LRRC49: variants seen among roughly 807,000 people sequenced by gnomAD.
The protein encoded by LRRC49 is leucine rich repeat containing 49.
In LRRC49, 50 loss-of-function variants were observed where a neutral mutation model predicts 83.3. That is an observed-to-expected ratio of 0.60 (90% confidence interval 0.48 to 0.76). The LOEUF (loss-of-function observed/expected upper bound fraction) is 0.76. Ranked by LOEUF, LRRC49 falls within the 30% of genes least tolerant of loss-of-function variation. LRRC49 has a pLI of 0.00. For missense variants in LRRC49, 704 were observed against 809.1 expected (o/e 0.87, Z 1.58); for synonymous variants, 286 against 283.3 (o/e 1.01, Z -0.10).
At chr15:70,991,627 A>T (rs1374502411) in intron 11 of LRRC49, among the ~76,000 whole-genome samples, 1 of 152,190 alleles carries the variant, frequency 6.6e-6, no homozygotes, top group African/African-American at 2.4e-5. Flanking sequence ...ATTTGGTTTA[A>T]TCTATGGATG....
chr15:70,970,835 C>T (rs1006083309), intron 9 of LRRC49, among the ~76,000 whole-genome samples: 3 of 152,056 alleles, frequency 2.0e-5, no homozygotes, highest in African/African-American at 7.2e-5. Flanking sequence ...GTGATCTCCC[C>T]TTTATCATTT....
chr15:71,014,448 G>A (rs751687984), intron 14 of LRRC49, among the ~76,000 whole-genome samples: 3 of 151,850 alleles, frequency 2.0e-5, no homozygotes, highest in Admixed American at 1.3e-4. Flanking sequence ...AGTGATCAAC[G>A]AAAAGCAGGA....
At chr15:70,938,595 A>T (rs1329854792) in intron 8 of LRRC49, among the ~76,000 whole-genome samples, 1 of 152,130 alleles carries the variant, frequency 6.6e-6, no homozygotes, top group African/African-American at 2.4e-5. Context: ...AACTTTGAAA[A>T]CATTTCTGTG....
chr15:71,012,360 C>A (rs930906837), intron 13 of LRRC49, among the ~76,000 whole-genome samples: 1 of 151,966 alleles, frequency 6.6e-6, no homozygotes, highest in African/African-American at 2.4e-5. Context: ...CAGGAAGGGA[C>A]AAAATTATCC....
At chr15:70,958,309 A>G (rs1415512058) in intron 8 of LRRC49, among the ~76,000 whole-genome samples, 2 of 152,094 alleles carry the variant, frequency 1.3e-5, no homozygotes, top group Non-Finnish European at 2.9e-5. Context: ...TACTATTCTG[A>G]TCATATTAAC....
chr15:70,984,054 T>A, intron 10 of LRRC49, 40 bp from the exon 11 acceptor site: 1 of 1,538,558 alleles, frequency 6.5e-7, no homozygotes, highest in Non-Finnish European at 9.0e-7. Flanking sequence ...GCTACAAAAA[T>A]TGCATTATAT....
At chr15:70,896,001 A>C in intron 3 of LRRC49, 65 bp downstream of exon 3, 1 of 914,146 alleles carries the variant, frequency 1.1e-6, no homozygotes, top group Non-Finnish European at 1.7e-6. Context: ...GTGTTTAATA[A>C]TGTTGAATTA....
chr15:71,007,709 G>GTATATATATATATATATATA (rs55946096), intron 11 of LRRC49, among the ~76,000 whole-genome samples: 66 of 137,690 alleles, frequency 4.8e-4, no homozygotes, highest in African/African-American at 1.7e-3. Context: ...TGAGAAGCAT[G>GTATATATATATATATATATA]TATATATATA....
At chr15:71,031,258 T>C (rs889139928) in intron 14 of LRRC49, among the ~76,000 whole-genome samples, 1 of 152,220 alleles carries the variant, frequency 6.6e-6, no homozygotes, top group Non-Finnish European at 1.5e-5. Flanking sequence ...GCCCCTTTTT[T>C]GCAGGTCTGC....
chr15:70,853,835 G>C, intron 1 of LRRC49: 1 of 1,186,004 alleles, frequency 8.4e-7, no homozygotes, highest in Non-Finnish European at 1.1e-6. Flanking sequence ...CCGAACTCGC[G>C]CGCGGCCCGG....
chr15:70,988,357 T>TA (rs1567085757), intron 11 of LRRC49, among the ~76,000 whole-genome samples: 1 of 147,146 alleles, frequency 6.8e-6, no homozygotes, highest in East Asian at 2.0e-4. Flanking sequence ...TAGTTAGCTC[T>TA]TCTTGTTGAA....
At chr15:70,923,216 T>C (rs1052693460) in intron 7 of LRRC49, among the ~76,000 whole-genome samples, 1 of 152,044 alleles carries the variant, frequency 6.6e-6, no homozygotes, top group Admixed American at 6.5e-5. Flanking sequence ...TGGCCATTCT[T>C]TTCTAGTTTA....
Position 71,051,425 on chromosome 15 carries a change from C to G in LRRC49, c.*1813C>G, listed in dbSNP as rs2039993160. On this transcript the variant is annotated 3_prime_UTR_variant, in exon 16 of 16. Transcript: ENST00000260382. ...CCTCTCCAAACTGAAACATATGGAC[C>G]ATTTCTCATCTGGCTAGTAAACACT... is the stretch of plus-strand genomic sequence containing the variant. 1.3e-5 allele frequency: 2 copies of G among 152,178 alleles called. No homozygotes were observed. Among genetic ancestry groups the G allele is most frequent in the South Asian group, 4.1e-4 (2 of 4,826 alleles). The allele number at this position is 152,178 out of a possible 1,614,324, so 9.4% of individuals were successfully genotyped here.
At chr15:70,859,455 T>C in intron 1 of LRRC49, 14 of 717,314 alleles carry the variant, frequency 2.0e-5, no homozygotes, top group South Asian at 1.8e-4. Flanking sequence ...GTGCTGTCCA[T>C]GGACAACAGC....
intron 3 of LRRC49, among the ~76,000 whole-genome samples, chr15:70,899,285 G>T (rs1398121731): frequency 6.6e-6 from 1 of 152,122 alleles, no homozygotes; most frequent in Non-Finnish European, 1.5e-5. Context: ...AACTGAGGTT[G>T]TCTGCTGCTT....
intron 14 of LRRC49, among the ~76,000 whole-genome samples, chr15:71,026,324 C>G (rs139030034): frequency 1.4e-3 from 211 of 152,228 alleles, no homozygotes; most frequent in African/African-American, 5.0e-3. Flanking sequence ...CACTGATGGG[C>G]ATTTGGGTTG....
chr15:71,031,517 G>A (rs1316517598), intron 14 of LRRC49, among the ~76,000 whole-genome samples: 3 of 152,324 alleles, frequency 2.0e-5, no homozygotes, highest in South Asian at 4.1e-4. Flanking sequence ...AGCAGAGCTC[G>A]TGCACTGTGC....
intron 1 of LRRC49, chr15:70,858,591 G>C: frequency 2.1e-6 from 1 of 487,744 alleles, no homozygotes; most frequent in Non-Finnish European, 3.6e-6. Flanking sequence ...GCGACAGAGC[G>C]AGACTTGGTC....
intron 2 of LRRC49, among the ~76,000 whole-genome samples, chr15:70,886,041 CAG>C (rs1244782575): frequency 5.9e-5 from 9 of 151,930 alleles, no homozygotes; most frequent in Non-Finnish European, 1.2e-4. Context: ...AAAAAATGCC[CAG>C]AGATACGGGA....
Sources: gnomAD v4.1 joint callset for allele counts (sites outside exome capture counted in the v4.1 genomes callset) on GRCh38, gnomAD v4.1.1 for gene constraint, MANE v1.5 for transcripts, NCBI Gene and HGNC (gene_info 2026-07-23, HGNC 2026-07-21) for gene names.